The following PYY variants were observed in gnomAD, a reference collection of about 807,000 sequenced individuals.
PYY encodes the protein peptide YY, also known as peptide tyrosine tyrosine.
Under a neutral mutation model 10.3 loss-of-function variants are expected in PYY, and 12 were observed. The ratio of observed to expected loss-of-function variants is 1.17; its 90% CI spans 0.75 to 1.89. PYY has a LOEUF of 1.89. Ranked by LOEUF, PYY falls within the 40% of genes most tolerant of loss-of-function variation. The pLI is 0.00. For synonymous variants in PYY, 66 were observed against 62.0 expected, an observed-to-expected ratio of 1.06 and a Z score of -0.30; for missense variants, 141 against 134.0, an observed-to-expected ratio of 1.05 and a Z score of -0.26.
chr17:43,988,547 A>G (rs1183392555), intron 1 of PYY, among the ~76,000 whole-genome samples: 1 of 151,842 alleles, frequency 6.6e-6, no homozygotes, highest in African/African-American at 2.4e-5. Context: ...AGGGCACTCA[A>G]TCCTCTCTCA....
At chr17:43,968,194 G>A (rs976045981) in intron 1 of PYY, among the ~76,000 whole-genome samples, 3 of 152,130 alleles carry the variant, frequency 2.0e-5, no homozygotes, top group Non-Finnish European at 4.4e-5. Context: ...CAGCCTGGGC[G>A]TGTATGTGTG....
chr17:43,982,474 G>T (rs2143940426), intron 1 of PYY, among the ~76,000 whole-genome samples: 1 of 152,338 alleles, frequency 6.6e-6, no homozygotes, highest in East Asian at 1.9e-4. Context: ...CATGCCCCTA[G>T]ATGTGATGCT....
chr17:43,976,290 T>C (rs1567932312), intron 1 of PYY, among the ~76,000 whole-genome samples: 1 of 145,354 alleles, frequency 6.9e-6, no homozygotes, highest in African/African-American at 2.8e-5. Context: ...TACGCATATG[T>C]ATACATGTAT....
chr17:43,956,192 T>C (rs754658004), upstream of PYY, among the ~76,000 whole-genome samples: 8 of 151,944 alleles, frequency 5.3e-5, no homozygotes, highest in Non-Finnish European at 1.2e-4. Context: ...CACTTCCTCA[T>C]TTATAGCCAA....
At chr17:43,997,738 C>A (rs1298986321) in intron 1 of PYY, among the ~76,000 whole-genome samples, 1 of 152,092 alleles carries the variant, frequency 6.6e-6, no homozygotes, top group Non-Finnish European at 1.5e-5. Context: ...AAATCCACCC[C>A]TTACGAATGC....
intron 2 of PYY, among the ~76,000 whole-genome samples, chr17:43,960,513 C>A (rs559046064): frequency 9.8e-6 from 1 of 102,028 alleles, no homozygotes; most frequent in South Asian, 3.7e-4. Context: ...GCCCGAGGGA[C>A]GAGAGTGAGA....
intron 1 of PYY, among the ~76,000 whole-genome samples, chr17:43,970,115 C>T (rs8066247): frequency 0.83 from 123,899 of 149,048 alleles, 51,870 homozygotes; most frequent in East Asian, 1. Flanking sequence ...GTGGGGGAAT[C>T]GCTTAAACCC....
intron 2 of PYY, among the ~76,000 whole-genome samples, chr17:43,962,244 A>T (rs2048717084): frequency 6.6e-6 from 1 of 151,496 alleles, no homozygotes; most frequent in Non-Finnish European, 1.5e-5. Flanking sequence ...GTACCCTCTC[A>T]CTCCTCTATT....
At chr17:43,960,543 A>AC (rs2048704576) in intron 2 of PYY, among the ~76,000 whole-genome samples, 1 of 148,576 alleles carries the variant, frequency 6.7e-6, no homozygotes, top group Non-Finnish European at 1.5e-5. Context: ...AAAAAAAAAA[A>AC]AAAAAAAAAA....
At chr17:43,981,190 T>G (rs1408097946) in intron 1 of PYY, among the ~76,000 whole-genome samples, 1 of 152,130 alleles carries the variant, frequency 6.6e-6, no homozygotes, top group Admixed American at 6.6e-5. Context: ...CTTGGAAGTG[T>G]CTTTTGGTGA....
At chr17:43,968,793 C>T (rs1451244355) in intron 1 of PYY, among the ~76,000 whole-genome samples, 1 of 146,394 alleles carries the variant, frequency 6.8e-6, no homozygotes, top group South Asian at 2.2e-4. Context: ...GCCTGGGCAG[C>T]AGAGTGTGAC....
intron 1 of PYY, among the ~76,000 whole-genome samples, chr17:44,002,679 G>C: frequency 6.6e-6 from 1 of 152,214 alleles, no homozygotes; most frequent in East Asian, 1.9e-4. Flanking sequence ...GAGCAGAACT[G>C]CTTCCTAGAC....
intron 1 of PYY, among the ~76,000 whole-genome samples, chr17:43,977,904 T>G (rs1449062185): frequency 6.6e-6 from 1 of 152,068 alleles, no homozygotes; most frequent in Non-Finnish European, 1.5e-5. Flanking sequence ...AAAACATGTA[T>G]CAAAGTGAAT....
rs138752190 is a variant in PYY at position 43,967,101 on chromosome 17, G to A, written c.-462-569C>T. Among the ~76,000 whole-genome samples, 118 of 152,248 alleles carry A rather than the reference G, an allele frequency of 7.8e-4. No homozygotes were observed. The East Asian group carries it at 0.017, about 22-fold the overall frequency. ...GTGGATCACCTGAGGTCTGGAGTTC[G>A]AGACCAGCCTGGCCAACATGGTGAA... is the stretch of plus-strand genomic sequence containing the variant. On this transcript the variant is annotated intron_variant, in intron 1 of 6. Transcript: ENST00000360085.
chr17:43,981,213 A>T (rs2048881747), intron 1 of PYY, among the ~76,000 whole-genome samples: 1 of 152,032 alleles, frequency 6.6e-6, no homozygotes, highest in South Asian at 2.1e-4. Context: ...ATATATACAC[A>T]CGTCTGTTGA....
intron 1 of PYY, among the ~76,000 whole-genome samples, chr17:43,982,867 G>A (rs182752886): frequency 1.8e-4 from 28 of 152,248 alleles, no homozygotes. Flanking sequence ...CTTTGGTAAG[G>A]GGTGTTCTAA....
intron 1 of PYY, among the ~76,000 whole-genome samples, chr17:43,975,873 TCTAC>T (rs1394627042): frequency 9.2e-5 from 1 of 10,874 alleles, no homozygotes; most frequent in Non-Finnish European, 2.6e-4. Context: ...CATACACGTG[TCTAC>T]GTACGTGTAC....
At chr17:43,962,083 A>T (rs2048716215) in intron 2 of PYY, among the ~76,000 whole-genome samples, 1 of 152,140 alleles carries the variant, frequency 6.6e-6, no homozygotes, top group Non-Finnish European at 1.5e-5. Flanking sequence ...CTTACAATAG[A>T]GTTTAGCTGA....
At chr17:43,995,367 T>A (rs1328362509) in intron 1 of PYY, among the ~76,000 whole-genome samples, 1 of 152,102 alleles carries the variant, frequency 6.6e-6, no homozygotes, top group Non-Finnish European at 1.5e-5. Flanking sequence ...TGAGACAGAG[T>A]CTCGCTCTGT....
Sources: allele counts gnomAD v4.1 joint callset (sites outside exome capture counted in the v4.1 genomes callset), GRCh38; gene constraint gnomAD v4.1.1; transcripts MANE v1.5; gene names NCBI Gene and HGNC (gene_info 2026-07-23, HGNC 2026-07-21).